The following ITPR1 variants were observed in gnomAD, a reference collection of about 807,000 sequenced individuals.
The protein encoded by ITPR1 is inositol 1,4,5-trisphosphate receptor type 1.
Under a neutral mutation model 318.4 loss-of-function variants are expected in ITPR1, and 96 were observed. The observed-to-expected ratio is 0.30, with a 90% CI of 0.26 to 0.36. The LOEUF is 0.36. ITPR1 is among the 10% of genes least tolerant of loss of function. ITPR1 has a pLI of 1.00. For missense variants in ITPR1, 2,440 were observed against 3,460.2 expected (o/e 0.71, Z 7.40); for synonymous variants, 1,312 against 1,289.9 (o/e 1.02, Z -0.37).
At chr3:4,662,724 AAAT>A (rs772615299) in intron 15 of ITPR1, among the ~76,000 whole-genome samples, 1 of 152,144 alleles carries the variant, frequency 6.6e-6, no homozygotes, top group African/African-American at 2.4e-5. Context: ...CTCCATCTCA[AAAT>A]AATAATAATA....
chr3:4,714,018 C>G (rs1574977091), intron 39 of ITPR1, among the ~76,000 whole-genome samples: 3 of 152,286 alleles, frequency 2.0e-5, no homozygotes, highest in Admixed American at 2.0e-4. Flanking sequence ...ATTAATTGAG[C>G]TTCAAAAGAG....
chr3:4,806,013 T>C, intron 54 of ITPR1, 90 bp from the exon 55 acceptor site: 1 of 1,154,766 alleles, frequency 8.7e-7, no homozygotes, highest in Non-Finnish European at 1.2e-6. Flanking sequence ...GCACGGTGAC[T>C]GAAATACATT....
intron 12 of ITPR1, among the ~76,000 whole-genome samples, chr3:4,657,923 C>T (rs2093749535): frequency 6.6e-6 from 1 of 152,158 alleles, no homozygotes; most frequent in Admixed American, 6.5e-5. Flanking sequence ...TTTATTGCAA[C>T]ACAAAGAGGT....
intron 4 of ITPR1, among the ~76,000 whole-genome samples, chr3:4,599,009 C>CT (rs76398324): frequency 0.022 from 3,140 of 141,700 alleles, 93 homozygotes; most frequent in African/African-American, 0.073. Flanking sequence ...TACTGATGAG[C>CT]TTTTTTTTTT....
At chr3:4,675,732 A>C (rs912961561) in intron 23 of ITPR1, among the ~76,000 whole-genome samples, 1 of 152,212 alleles carries the variant, frequency 6.6e-6, no homozygotes, top group Non-Finnish European at 1.5e-5. Context: ...CTGCCTTTGC[A>C]TGTTTATTTC....
intron 4 of ITPR1, among the ~76,000 whole-genome samples, chr3:4,590,118 T>TCTTACCAA (rs1214378796): frequency 6.6e-6 from 1 of 151,128 alleles, no homozygotes; most frequent in African/African-American, 2.4e-5. Context: ...GACCTTCCTG[T>TCTTACCAA]CTTACCAACT....
chr3:4,826,837 C>T lies in ITPR1; in HGVS notation c.8028+8595C>T, dbSNP rs1218240215. Among the ~76,000 whole-genome samples, 5 of 152,060 alleles carry T rather than the reference C, an allele frequency of 3.3e-5. No homozygotes were observed. The highest frequency in any genetic ancestry group is 7.4e-5 in the Non-Finnish European group (5 of 68,018). On this transcript the variant is annotated intron_variant, in intron 60 of 61. Transcript: ENST00000649015. The surrounding 1 kb of genome is among the most constrained non-coding windows in gnomAD (Gnocchi z 4.2). ...CCTTCGTGGAGGGTGTGCCAGGTGCCGTTTGTAACAATGAGTTGAGCAGAG... is the reference window on the plus strand; with the variant it reads ...CCTTCGTGGAGGGTGTGCCAGGTGCTGTTTGTAACAATGAGTTGAGCAGAG...
intron 4 of ITPR1, among the ~76,000 whole-genome samples, chr3:4,533,819 A>G (rs1385869252): frequency 6.6e-6 from 1 of 152,208 alleles, no homozygotes; most frequent in Non-Finnish European, 1.5e-5. Context: ...TCAGAGCCTC[A>G]GTTACTGACG....
At chr3:4,644,619 T>G (rs1027202458) in intron 8 of ITPR1, among the ~76,000 whole-genome samples, 1 of 152,246 alleles carries the variant, frequency 6.6e-6, no homozygotes. Context: ...CTGCAGCTTA[T>G]CAGCAGCCCT....
chr3:4,640,493 C>T (rs2093312451), intron 6 of ITPR1, among the ~76,000 whole-genome samples: 1 of 152,192 alleles, frequency 6.6e-6, no homozygotes, highest in Admixed American at 6.5e-5. Context: ...GCTTCAAGTT[C>T]AATGTCAGCT....
At chr3:4,767,270 A>C (rs6766817) in intron 45 of ITPR1, among the ~76,000 whole-genome samples, 152,328 of 152,332 alleles carry the variant, frequency 1, 76,162 homozygotes, top group Middle Eastern at 1. Flanking sequence ...TTGTTACAGG[A>C]CTGTCTGGCT....
At chr3:4,609,078 A>ATAT (rs2091917880) in intron 4 of ITPR1, among the ~76,000 whole-genome samples, 1 of 104,140 alleles carries the variant, frequency 9.6e-6, no homozygotes, top group African/African-American at 3.6e-5. Flanking sequence ...ATATATATAT[A>ATAT]TATATATATA....
intron 54 of ITPR1, 145 bp downstream of exon 54, chr3:4,800,745 A>T: frequency 1.2e-6 from 1 of 834,068 alleles, no homozygotes. Flanking sequence ...GAAGCAGGGG[A>T]TGGCTGCAGG....
intron 4 of ITPR1, among the ~76,000 whole-genome samples, chr3:4,549,547 T>G (rs2085352549): frequency 6.6e-6 from 1 of 151,404 alleles, no homozygotes; most frequent in Non-Finnish European, 1.5e-5. Flanking sequence ...CTTTCCCCTT[T>G]TCTTTCTTTT....
intron 44 of ITPR1, among the ~76,000 whole-genome samples, chr3:4,757,442 T>G (rs2045087916): frequency 6.6e-6 from 1 of 152,208 alleles, no homozygotes. Context: ...AGGAGCCTGT[T>G]TATGCCTCTG....
intron 33 of ITPR1, among the ~76,000 whole-genome samples, chr3:4,694,620 C>T (rs2125251169): frequency 6.6e-6 from 1 of 152,296 alleles, no homozygotes; most frequent in African/African-American, 2.4e-5. Flanking sequence ...CAGCCTCTTG[C>T]TTCCAGGCTA....
chr3:4,600,036 C>T (rs979006745), intron 4 of ITPR1, among the ~76,000 whole-genome samples: 2 of 152,204 alleles, frequency 1.3e-5, no homozygotes, highest in Non-Finnish European at 2.9e-5. Flanking sequence ...CTGTTATTTG[C>T]ATTTCCTAGC....
At chr3:4,616,958 G>A (rs2092412686) in intron 4 of ITPR1, among the ~76,000 whole-genome samples, 1 of 151,914 alleles carries the variant, frequency 6.6e-6, no homozygotes, top group African/African-American at 2.4e-5. Context: ...TGAAGAGTCG[G>A]TGTGCCTTCT....
intron 4 of ITPR1, among the ~76,000 whole-genome samples, chr3:4,595,825 G>A (rs1223517899): frequency 2.0e-5 from 3 of 152,178 alleles, no homozygotes; most frequent in Non-Finnish European, 2.9e-5. Context: ...TGACCTTTGA[G>A]AGCATTGTGG....
Sources: gnomAD v4.1 joint callset for allele counts (sites outside exome capture counted in the v4.1 genomes callset) on GRCh38, gnomAD v4.1.1 for gene constraint, Gnocchi (gnomAD v3.1) non-coding constraint, MANE v1.5 for transcripts, NCBI Gene and HGNC (gene_info 2026-07-23, HGNC 2026-07-21) for gene names.